SHROOM2: variants seen among roughly 807,000 people sequenced by gnomAD.
SHROOM2 encodes shroom family member 2.
Under a neutral mutation model 75.9 loss-of-function variants are expected in SHROOM2, and 33 were observed. The observed-to-expected ratio is 0.43, with a 90% CI of 0.33 to 0.58. The LOEUF (loss-of-function observed/expected upper bound fraction) is 0.58. SHROOM2 is among the 20% of genes least tolerant of loss of function. The pLI is 0.04. For missense variants in SHROOM2, 1,434 were observed against 1,461.2 expected, an observed-to-expected ratio of 0.98 and a Z score of 0.30; for synonymous variants, 655 against 663.6, an observed-to-expected ratio of 0.99 and a Z score of 0.20.
chrX:9,884,368 C>CTTCT (rs1372366663), intron 2 of SHROOM2, among the ~76,000 whole-genome samples: 12,057 of 62,205 alleles, frequency 0.19, 908 homozygotes, highest in East Asian at 0.37. Context: ...TTTTTCTTTT[C>CTTCT]TTTTTTTTTT....
rs773003227 is a variant in SHROOM2, at chrX:9,895,063, G to A, written c.1155G>A (p.Pro385=). 8.3e-6 allele frequency: 10 copies of A among 1,205,691 alleles called. No homozygotes were observed. The highest frequency in any genetic ancestry group is 3.5e-5 in the African/African-American group (2 of 57,369). ...GCCTCGGGAAGGGATCGGGAGGCCCGGGCTGCCCACAGGAGGCCCACGCAG... is the reference window on the plus strand; with the variant it reads ...GCCTCGGGAAGGGATCGGGAGGCCCAGGCTGCCCACAGGAGGCCCACGCAG... ...PGSLGKGSGG[P]GCPQEAHADG... is the part of the protein sequence containing the mutation. The change falls in exon 4 of 10, where the codon CCG becomes CCA. Residue 385 remains proline (P), a synonymous_variant. Transcript: ENST00000380913.
intron 1 of SHROOM2, among the ~76,000 whole-genome samples, chrX:9,861,465 C>G: frequency 8.9e-6 from 1 of 112,128 alleles, no homozygotes; most frequent in Middle Eastern, 4.6e-3. Flanking sequence ...CCACCATGCC[C>G]GGCATATATA....
At chrX:9,869,703 A>T (rs2084161457) in intron 1 of SHROOM2, among the ~76,000 whole-genome samples, 1 of 112,182 alleles carries the variant, frequency 8.9e-6, no homozygotes, top group South Asian at 3.7e-4. Context: ...GCCATATTTT[A>T]TTTATCCATT....
At position 9,948,205 on chromosome X, in the gene SHROOM2, C is replaced by G. The variant is rs2147070895; in HGVS notation, c.*1268C>G. 1 of 112,622 alleles carries G rather than the reference C, an allele frequency of 8.9e-6. No individual in the cohort carries two copies. Among genetic ancestry groups the G allele is most frequent in the Non-Finnish European group, 1.9e-5 (1 of 53,352 alleles). 9.3% of individuals were successfully genotyped at this position (112,622 alleles called of 1,213,427 possible). On this transcript the variant is annotated 3_prime_UTR_variant, in exon 10 of 10. Transcript: ENST00000380913. ...GCAAAAGACTTGAATAGACACTTCA[C>G]CAAAGAGCATACACGCGTGGCAAAC...
At chrX:9,807,292 C>A (rs1359115033) in intron 1 of SHROOM2, among the ~76,000 whole-genome samples, 1 of 112,320 alleles carries the variant, frequency 8.9e-6, no homozygotes, top group African/African-American at 3.2e-5. Context: ...CTCATCCTTC[C>A]TGCATTCAAG....
rs756877057 is a variant in SHROOM2 at position 9,932,766 on chromosome X, G to T, written c.3483G>T (p.Leu1161=). Residue 1161 remains leucine (L), a synonymous_variant, in exon 6 of 10, where the codon CTG becomes CTT. Coordinates refer to ENST00000380913, the MANE Select transcript of SHROOM2 (RefSeq NM_001649.4). The part of the protein sequence containing the change: ...LLPPKQQHLR[L]QTATMETSRS... ...CTCCCAAGCAGCAGCACCTGCGCCT[G>T]CAGACGGCCACCATGGAGACCTCGC... 23 of 1,208,914 alleles carry T rather than the reference G, an allele frequency of 1.9e-5. No individual in the cohort carries two copies. The East Asian group carries it at 5.3e-4, about 28-fold the overall frequency.
intron 1 of SHROOM2, among the ~76,000 whole-genome samples, chrX:9,800,402 G>A (rs1032651026): frequency 1.2e-4 from 13 of 110,607 alleles, no homozygotes; most frequent in Non-Finnish European, 2.3e-4. Context: ...GTGCAGTGGC[G>A]TGATCTTGGC....
chrX:9,827,074 T>C (rs1485921674), intron 1 of SHROOM2, among the ~76,000 whole-genome samples: 1 of 110,771 alleles, frequency 9.0e-6, no homozygotes, highest in Non-Finnish European at 1.9e-5. Context: ...CGAAGCGCTA[T>C]TGATGGCCAG....
chrX:9,911,167 C>T (rs921487384), intron 5 of SHROOM2, among the ~76,000 whole-genome samples: 6 of 111,423 alleles, frequency 5.4e-5, no homozygotes, highest in Non-Finnish European at 1.1e-4. Context: ...ACACGGGCTT[C>T]GGAGTTGAAG....
rs952927013 is a variant in SHROOM2 at position 9,929,882 on chromosome X, A to G, written c.2892-2293A>G. Among the ~76,000 whole-genome samples, 13 of 111,170 alleles carry G rather than the reference A, an allele frequency of 1.2e-4. No homozygotes were observed. The East Asian group carries it at 2.0e-3, about 17-fold the overall frequency. ...TTCCCCTGCTATTCTTGTGATAGCA[A>G]ATAAGTCTCACAAGACCTGATGGGT... On this transcript the variant is annotated intron_variant, in intron 5 of 9. Coordinates refer to ENST00000380913, the MANE Select transcript of SHROOM2 (RefSeq NM_001649.4).
chrX:9,889,389 A>G (rs2084278217), intron 2 of SHROOM2, among the ~76,000 whole-genome samples: 1 of 112,436 alleles, frequency 8.9e-6, no homozygotes, highest in South Asian at 3.7e-4. Flanking sequence ...AAAGTATTTA[A>G]AGAGGCCCGC....
At chrX:9,823,020 TCTCCTTCTCCTCCTC>T (rs1428470655) in intron 1 of SHROOM2, among the ~76,000 whole-genome samples, 2,334 of 56,417 alleles carry the variant, frequency 0.041, 203 homozygotes, top group African/African-American at 0.15. Context: ...TTCTTCTCCT[TCTCCTTCTCCTCCTC>T]CTCCTCCTCC....
At chrX:9,806,242 T>C (rs2083750951) in intron 1 of SHROOM2, among the ~76,000 whole-genome samples, 1 of 111,014 alleles carries the variant, frequency 9.0e-6, no homozygotes, top group Non-Finnish European at 1.9e-5. Context: ...CCCGTGGTTA[T>C]GGCAGGGCCA....
rs184636687 is a variant in SHROOM2 at position 9,895,137 on chromosome X, C to T, written c.1229C>T (p.Ala410Val). 1 of 1,210,779 alleles carries T rather than the reference C, an allele frequency of 8.3e-7. No individual in the cohort carries two copies. The highest frequency in any genetic ancestry group is 3.0e-5 in the East Asian group (1 of 33,728). Residue 410 changes from alanine to valine, a missense_variant, in exon 4 of 10, where the codon GCC (alanine) becomes GTC (valine). Around this residue, in one of 3 missense-constraint regions of SHROOM2, gnomAD observed 1,340 missense variants for 1,338.3 expected, o/e 1.00. Coordinates refer to ENST00000380913, the MANE Select transcript of SHROOM2 (RefSeq NM_001649.4). ...SKDGASSRLQ[A>V]SLSSSDVRFP... ...GATGGAGCTTCCAGTAGGCTGCAGG[C>T]CTCTCTGTCCAGCTCAGATGTGCGC...
intron 1 of SHROOM2, among the ~76,000 whole-genome samples, chrX:9,805,431 A>G (rs1474637129): frequency 8.9e-6 from 1 of 111,978 alleles, no homozygotes; most frequent in Non-Finnish European, 1.9e-5. Flanking sequence ...ATCCTAACCC[A>G]CAAGGTGATG....
chrX:9,805,037 C>T (rs1198114777), intron 1 of SHROOM2, among the ~76,000 whole-genome samples: 2 of 106,907 alleles, frequency 1.9e-5, no homozygotes, highest in Non-Finnish European at 3.9e-5. Flanking sequence ...GAGTTCGAGA[C>T]GAGCTTGCTT....
intron 5 of SHROOM2, among the ~76,000 whole-genome samples, chrX:9,924,590 G>A (rs1386012475): frequency 2.7e-5 from 3 of 109,737 alleles, no homozygotes; most frequent in African/African-American, 1.0e-4. Flanking sequence ...TCCTTGCCTC[G>A]GGCAGTCCTC....
At chrX:9,928,335 A>T (rs1602009583) in intron 5 of SHROOM2, among the ~76,000 whole-genome samples, 2 of 112,308 alleles carry the variant, frequency 1.8e-5, no homozygotes, top group African/African-American at 6.5e-5. Flanking sequence ...GCTGAATATC[A>T]ATTGGATCCT....
chrX:9,834,827 G>T (rs142230968), intron 1 of SHROOM2, among the ~76,000 whole-genome samples: 395 of 111,832 alleles, frequency 3.5e-3, no homozygotes, highest in Non-Finnish European at 6.2e-3. Flanking sequence ...CAGGTAGAGA[G>T]GGGTGTTTGC....
Sources: gnomAD v4.1 joint callset for allele counts (sites outside exome capture counted in the v4.1 genomes callset) on GRCh38, gnomAD v4.1.1 for gene constraint, gnomAD v4.1.1 regional missense constraint, MANE v1.5 for transcripts, NCBI Gene and HGNC (gene_info 2026-07-23, HGNC 2026-07-21) for gene names.